The following TACSTD2 variants were observed in gnomAD, a reference collection of about 807,000 sequenced individuals.
TACSTD2 encodes tumor associated calcium signal transducer 2, also known as tumor-associated calcium signal transducer 2.
TACSTD2 carries 6 observed loss-of-function variants against 7.9 expected under a neutral mutation model. The observed-to-expected ratio is 0.76, with a 90% CI of 0.42 to 1.50. The LOEUF is 1.50. Ranked by LOEUF, TACSTD2 falls within the 40% of genes most tolerant of loss-of-function variation. The pLI, the probability that TACSTD2 is intolerant of heterozygous loss-of-function variation, is 0.01. For missense variants in TACSTD2, 511 were observed against 471.2 expected (o/e 1.08, Z -0.78); for synonymous variants, 220 against 225.5 (o/e 0.98, Z 0.22).
Position 58,576,213 on chromosome 1 carries a change from C to G in TACSTD2, c.944G>C (p.Gly315Ala). 1 of 1,614,180 alleles carries G rather than the reference C, an allele frequency of 6.2e-7. No individual in the cohort carries two copies. The highest frequency in any genetic ancestry group is 1.1e-5 in the South Asian group (1 of 91,072). The change falls in exon 1 of 1, where the codon GGG becomes GCG. Residue 315 changes from glycine to alanine, a missense_variant. Gly to Ala is a moderately conservative substitution (Grantham distance 60). Coordinates refer to ENST00000371225, the MANE Select transcript of TACSTD2 (RefSeq NM_002353.3). ...KYKKVEIKEL[G>A]ELRKEPSL ...CAAGCTCGGTTCCTTTCTCAACTCC[C>G]CCAGTTCCTTGATCTCCACCTTCTT...
chr1:58,576,664 C>T lies in TACSTD2; in HGVS notation c.493G>A (p.Gly165Ser), dbSNP rs765391686. 5.0e-6 allele frequency: 8 copies of T among 1,604,132 alleles called. No homozygotes were observed. The highest frequency in any genetic ancestry group is 1.7e-4 in the Middle Eastern group (1 of 6,044). ...TCCAGGTCTGAGTGGTTGAAGGCGCCGGCGGTGGGGCGGTGGCGCAGGTCA... is the reference window on the plus strand; with the variant it reads ...TCCAGGTCTGAGTGGTTGAAGGCGCTGGCGGTGGGGCGGTGGCGCAGGTCA... ...LIDLRHRPTA[G>S]AFNHSDLDAE... The change falls in exon 1 of 1, where the codon GGC becomes AGC. Residue 165 changes from glycine (G) to serine (S), a missense_variant. By Grantham distance (56) the Gly-to-Ser change is moderately conservative (BLOSUM62 0). Transcript: ENST00000371225.
In TACSTD2 at chr1:58,576,767, C is replaced by T. The variant is rs1463506399; in HGVS notation, c.390G>A (p.Ser130=). ...CCTTGTCCGTGCGGCGCACGCCCAC[C>T]GAGTTCACGCACCAGCACACCGACG... is the stretch of plus-strand genomic sequence containing the variant. ...NQTSVCWCVN[S]VGVRRTDKGD... Residue 130 remains serine, a synonymous_variant, in exon 1 of 1, where the codon TCG becomes TCA. Transcript: ENST00000371225. 2 of 1,598,804 alleles carry T rather than the reference C, an allele frequency of 1.3e-6. No individual in the cohort carries two copies. Among genetic ancestry groups the T allele is most frequent in the Admixed American group, 3.4e-5 (2 of 59,674 alleles).
chr1:58,576,792 G>T lies in TACSTD2; in HGVS notation c.365C>A (p.Thr122Lys). The change falls in exon 1 of 1, where the codon ACG (threonine) becomes AAG (lysine). Residue 122 changes from threonine to lysine, a missense_variant. Transcript: ENST00000371225. The part of the protein sequence containing the change: ...GRFKARQCNQ[T>K]SVCWCVNSVG... ...CGAGTTCACGCACCAGCACACCGAC[G>T]TCTGGTTGCACTGGCGCGCCTTGAA... 2 of 1,598,084 alleles carry T rather than the reference G, an allele frequency of 1.3e-6. No individual in the cohort carries two copies. The highest frequency in any genetic ancestry group is 1.7e-6 in the Non-Finnish European group (2 of 1,178,452).
chr1:58,576,977 C>A lies in TACSTD2; in HGVS notation c.180G>T (p.Ser60=). Residue 60 remains serine (S), a synonymous_variant, in exon 1 of 1, where the codon TCG becomes TCT. Transcript: ENST00000371225. ...GCGTGGAGCAGTCGACCGCCATGCC[C>A]GAGCCCAGCGCGCGGCACTGGCAGC... ...GGRCQCRALG[S]GMAVDCSTLT... 6.3e-7 allele frequency: 1 copy of A among 1,577,124 alleles called. No homozygotes were observed. Among genetic ancestry groups the A allele is most frequent in the East Asian group, 2.3e-5 (1 of 43,374 alleles).
Position 58,576,379 on chromosome 1 carries a change from A to T in TACSTD2, c.778T>A (p.Tyr260Asn). ...AACTTCGGGGGAATCTCGTCCAGGTAATAGATGAGCGTGCGCTCCACCTGC... is the reference window on the plus strand; with the variant it reads ...AACTTCGGGGGAATCTCGTCCAGGTTATAGATGAGCGTGCGCTCCACCTGC... ...PLQVERTLIY[Y>N]LDEIPPKFSM... is the part of the protein sequence containing the mutation. The change falls in exon 1 of 1, where the codon TAC becomes AAC. Residue 260 changes from tyrosine to asparagine, a missense_variant. Physicochemically the swap from Tyr to Asn is moderately radical, Grantham distance 143. Coordinates refer to ENST00000371225, the MANE Select transcript of TACSTD2 (RefSeq NM_002353.3). The T allele has an allele frequency of 1.2e-6, 2 of 1,613,120 alleles. No individual in the cohort carries two copies. The highest frequency in any genetic ancestry group is 1.7e-6 in the Non-Finnish European group (2 of 1,179,686).
chr1:58,577,043 G>T lies in TACSTD2; in HGVS notation c.114C>A (p.Thr38=). The T allele has an allele frequency of 1.3e-6, 2 of 1,542,740 alleles. No homozygotes were observed. Among genetic ancestry groups the T allele is most frequent in the Non-Finnish European group, 1.7e-6 (2 of 1,148,502 alleles). ...CGGGGCTGCACACGGTCATCTTGTT[G>T]GTGGGACACGTGCAGTTGTCCTGCG... The part of the protein sequence containing the change: ...TAAQDNCTCP[T]NKMTVCSPDG... The change falls in exon 1 of 1, where the codon ACC becomes ACA. Residue 38 remains threonine, a synonymous_variant. Transcript: ENST00000371225.
rs766710867 is a variant in TACSTD2 at position 58,576,519 on chromosome 1, G to A, written c.638C>T (p.Ala213Val). The change falls in exon 1 of 1, where the codon GCC (alanine) becomes GTC (valine). Residue 213 changes from alanine to valine, a missense_variant. Transcript: ENST00000371225. Reference protein sequence around the residue: ...IELRQNTSQKAAGDVDIGDAA... With the variant: ...IELRQNTSQKVAGDVDIGDAA... ...ATCGCCGATATCCACGTCACCGGCGGCCTTCTGAGACGTGTTCTGCCGCAG... is the reference window on the plus strand; with the variant it reads ...ATCGCCGATATCCACGTCACCGGCGACCTTCTGAGACGTGTTCTGCCGCAG... 1 of 1,612,308 alleles carries A rather than the reference G, an allele frequency of 6.2e-7. No individual in the cohort carries two copies. Among genetic ancestry groups the A allele is most frequent in the Non-Finnish European group, 8.5e-7 (1 of 1,179,472 alleles).
chr1:58,576,288 G>A lies in TACSTD2; in HGVS notation c.869C>T (p.Ala290Val). ...VIVVVVVALVAGMAVLVITNR... is the reference protein window; with the variant it reads ...VIVVVVVALVVGMAVLVITNR... ...GGTGATCACCAGGACGGCCATGCCGGCGACGAGGGCCACCACGACCACCAC... is the reference window on the plus strand; with the variant it reads ...GGTGATCACCAGGACGGCCATGCCGACGACGAGGGCCACCACGACCACCAC... The change falls in exon 1 of 1, where the codon GCC becomes GTC. Residue 290 changes from alanine to valine, a missense_variant. By Grantham distance (64) the Ala-to-Val change is moderately conservative. Transcript: ENST00000371225. 2 of 1,613,406 alleles carry A rather than the reference G, an allele frequency of 1.2e-6. No homozygotes were observed. The highest frequency in any genetic ancestry group is 1.7e-6 in the Non-Finnish European group (2 of 1,179,752).
At position 58,577,073 on chromosome 1, in the gene TACSTD2, C is replaced by A; in HGVS notation, c.84G>T (p.Thr28=). 6.7e-7 allele frequency: 1 copy of A among 1,487,034 alleles called. No homozygotes were observed. Among genetic ancestry groups the A allele is most frequent in the East Asian group, 2.8e-5 (1 of 36,224 alleles). The allele number at this position is 1,487,034 out of a possible 1,614,324, so 92.1% of individuals were successfully genotyped here. Residue 28 remains threonine (T), a synonymous_variant, in exon 1 of 1, where the codon ACG becomes ACT. Transcript: ENST00000371225. ...GACACGTGCAGTTGTCCTGCGCGGC[C>A]GTGTGGCCGGTCACCGCCGCCAGCA... ...LLVLAAVTGH[T]AAQDNCTCPT...
rs756490555 is a variant in TACSTD2 at position 58,576,787 on chromosome 1, C to G, written c.370G>C (p.Val124Leu). ...CCCACCGAGTTCACGCACCAGCACA[C>G]CGACGTCTGGTTGCACTGGCGCGCC... ...FKARQCNQTS[V>L]CWCVNSVGVR... Residue 124 changes from valine to leucine, a missense_variant, in exon 1 of 1, where the codon GTG (valine) becomes CTG (leucine). Coordinates refer to ENST00000371225, the MANE Select transcript of TACSTD2 (RefSeq NM_002353.3). 1.3e-6 allele frequency: 2 copies of G among 1,598,230 alleles called. No homozygotes were observed. Among genetic ancestry groups the G allele is most frequent in the African/African-American group, 1.3e-5 (1 of 74,844 alleles).
rs781060360 is a variant in TACSTD2, at chr1:58,576,840, G to C, written c.317C>G (p.Pro106Arg). ...GAAGCGGCCCTCGGGGTCGCAGTCGGGGTCGTAGAGGCCATCGTTGTCCAC... is the reference window on the plus strand; with the variant it reads ...GAAGCGGCCCTCGGGGTCGCAGTCGCGGTCGTAGAGGCCATCGTTGTCCAC... Reference protein sequence around the residue: ...ALVDNDGLYDPDCDPEGRFKA... With the variant: ...ALVDNDGLYDRDCDPEGRFKA... Residue 106 changes from proline (P) to arginine (R), a missense_variant, in exon 1 of 1, where the codon CCC becomes CGC. Transcript: ENST00000371225. 6.3e-7 allele frequency: 1 copy of C among 1,595,090 alleles called. No homozygotes were observed. Among genetic ancestry groups the C allele is most frequent in the Non-Finnish European group, 8.5e-7 (1 of 1,177,554 alleles).
chr1:58,576,312 A>G lies in TACSTD2; in HGVS notation c.845T>C (p.Val282Ala). 1 of 1,613,422 alleles carries G rather than the reference A, an allele frequency of 6.2e-7. No individual in the cohort carries two copies. Among genetic ancestry groups the G allele is most frequent in the Non-Finnish European group, 8.5e-7 (1 of 1,179,676 alleles). ...RLTAGLIAVIVVVVVALVAGM... is the reference protein window; with the variant it reads ...RLTAGLIAVIAVVVVALVAGM... ...GGCGACGAGGGCCACCACGACCACC[A>G]CGATGACGGCGATGAGGCCGGCGGT... The change falls in exon 1 of 1, where the codon GTG becomes GCG. Residue 282 changes from valine to alanine, a missense_variant. Val to Ala is a moderately conservative substitution (Grantham distance 64). Coordinates refer to ENST00000371225, the MANE Select transcript of TACSTD2 (RefSeq NM_002353.3).
At position 58,577,145 on chromosome 1, in the gene TACSTD2, G is replaced by A. The variant is rs1437486572; in HGVS notation, c.12C>T (p.Gly4=). ...GCAGCGGTGGCGGCGCGAGGCCGGG[G>A]CCCCGAGCCATGGTGGGGCGGAGGA... is the stretch of plus-strand genomic sequence containing the variant. MAR[G]PGLAPPPLRL... is the part of the protein sequence containing the mutation. Residue 4 remains glycine, a synonymous_variant, in exon 1 of 1, where the codon GGC becomes GGT. Coordinates refer to ENST00000371225, the MANE Select transcript of TACSTD2 (RefSeq NM_002353.3). The A allele has an allele frequency of 2.9e-6, 4 of 1,381,480 alleles. No homozygotes were observed. Among genetic ancestry groups the A allele is most frequent in the East Asian group, 3.0e-5 (1 of 33,406 alleles). The allele number at this position is 1,381,480 out of a possible 1,614,324, so 85.6% of individuals were successfully genotyped here. A position where few individuals can be genotyped will look rare whatever the true frequency, so the allele number is the denominator to read the frequency against.
In TACSTD2 at chr1:58,577,159, T is replaced by A. The variant is rs1280810677; in HGVS notation, c.-3A>T. ...GCGAGGCCGGGGCCCCGAGCCATGG[T>A]GGGGCGGAGGAACGCGGACCGGACG... On this transcript the variant is annotated 5_prime_UTR_variant, in exon 1 of 1. Coordinates refer to ENST00000371225, the MANE Select transcript of TACSTD2 (RefSeq NM_002353.3). The A allele has an allele frequency of 1.5e-6, 2 of 1,366,058 alleles. No homozygotes were observed. The highest frequency in any genetic ancestry group is 1.9e-6 in the Non-Finnish European group (2 of 1,069,590). 84.6% of individuals were successfully genotyped at this position (1,366,058 alleles called of 1,614,324 possible). A position where few individuals can be genotyped will look rare whatever the true frequency, so the allele number is the denominator to read the frequency against.
rs770436847 is a variant in TACSTD2 at position 58,576,233 on chromosome 1, C to A, written c.924G>T (p.Lys308Asn). ...TNRRKSGKYK[K>N]VEIKELGELR... ...ACTCCCCCAGTTCCTTGATCTCCAC[C>A]TTCTTGTACTTCCCCGACTTTCTCC... Residue 308 changes from lysine (K) to asparagine (N), a missense_variant, in exon 1 of 1, where the codon AAG becomes AAT. Lys to Asn is a moderately conservative substitution (Grantham distance 94, BLOSUM62 0). Transcript: ENST00000371225. 14 of 1,614,056 alleles carry A rather than the reference C, an allele frequency of 8.7e-6. No homozygotes were observed. The highest frequency in any genetic ancestry group is 1.2e-5 in the Non-Finnish European group (14 of 1,180,044).
chr1:58,576,856 C>T lies in TACSTD2; in HGVS notation c.301G>A (p.Asp101Asn). The stretch of plus-strand genomic sequence containing the variant: ...TCGCAGTCGGGGTCGTAGAGGCCAT[C>T]GTTGTCCACGAGCGCGTGCTCACTC... ...RPSEHALVDNDGLYDPDCDPE... is the reference protein window; with the variant it reads ...RPSEHALVDNNGLYDPDCDPE... Residue 101 changes from aspartate to asparagine, a missense_variant, in exon 1 of 1, where the codon GAT (aspartate) becomes AAT (asparagine). Asp to Asn is a conservative substitution (Grantham distance 23, BLOSUM62 1). Transcript: ENST00000371225. 1 of 1,594,030 alleles carries T rather than the reference C, an allele frequency of 6.3e-7. No individual in the cohort carries two copies. Among genetic ancestry groups the T allele is most frequent in the Non-Finnish European group, 8.5e-7 (1 of 1,177,006 alleles).
chr1:58,576,479 G>C lies in TACSTD2; in HGVS notation c.678C>G (p.Phe226Leu), dbSNP rs755038728. The C allele has an allele frequency of 4.3e-6, 7 of 1,613,668 alleles. No individual in the cohort carries two copies. Among genetic ancestry groups the C allele is most frequent in the South Asian group, 1.1e-5 (1 of 90,990 alleles). Residue 226 changes from phenylalanine to leucine, a missense_variant, in exon 1 of 1, where the codon TTC (phenylalanine) becomes TTG (leucine). Physicochemically the swap from Phe to Leu is conservative, Grantham distance 22. Transcript: ENST00000371225. ...DVDIGDAAYY[F>L]ERDIKGESLF... Reference sequence around the variant, plus strand: ...GAGACTCGCCCTTGATGTCCCTCTCGAAGTAGTAGGCGGCATCGCCGATAT... The same window carrying C: ...GAGACTCGCCCTTGATGTCCCTCTCCAAGTAGTAGGCGGCATCGCCGATAT...
At position 58,577,200 on chromosome 1, in the gene TACSTD2, C is replaced by G. The variant is rs1190348276; in HGVS notation, c.-44G>C. On this transcript the variant is annotated 5_prime_UTR_variant, in exon 1 of 1. Transcript: ENST00000371225. ...GGACCGGACGCGGGCGGATGAGGCGCGGGGACTCGTCGGGGCTCGGGCTCC... is the reference window on the plus strand; with the variant it reads ...GGACCGGACGCGGGCGGATGAGGCGGGGGGACTCGTCGGGGCTCGGGCTCC... 4.5e-5 allele frequency: 60 copies of G among 1,330,060 alleles called. No homozygotes were observed. Among genetic ancestry groups the G allele is most frequent in the Non-Finnish European group, 5.4e-5 (57 of 1,047,506 alleles). The allele number at this position is 1,330,060 out of a possible 1,614,324, so 82.4% of individuals were successfully genotyped here.
chr1:58,576,170 T>A lies in TACSTD2; in HGVS notation c.*15A>T. 1 of 1,612,644 alleles carries A rather than the reference T, an allele frequency of 6.2e-7. No homozygotes were observed. The highest frequency in any genetic ancestry group is 8.5e-7 in the Non-Finnish European group (1 of 1,179,432). On this transcript the variant is annotated 3_prime_UTR_variant, in exon 1 of 1. Transcript: ENST00000371225. ...AAATCCGGTACCCCACCCCATCCCC[T>A]GCCCCGCCGGGTACCTACAAGCTCG...
Sources: gnomAD v4.1 joint callset for allele counts on GRCh38, gnomAD v4.1.1 for gene constraint, MANE v1.5 for transcripts, NCBI Gene and HGNC (gene_info 2026-07-23, HGNC 2026-07-21) for gene names.